GNA14: variants seen among roughly 807,000 people sequenced by gnomAD.
The protein encoded by GNA14 is guanine nucleotide-binding protein subunit alpha-14.
A neutral mutation model predicts 42.0 loss-of-function variants in GNA14; 50 were observed. The ratio of observed to expected loss-of-function variants is 1.19; its 90% CI spans 0.95 to 1.51. The LOEUF is 1.51. GNA14 is among the 40% of genes most tolerant of loss of function. The probability of loss-of-function intolerance (pLI) is 0.00; values close to 1 mark genes in which losing one functional copy is unlikely to be tolerated. For synonymous variants in GNA14, 173 were observed against 163.1 expected, an observed-to-expected ratio of 1.06 and a Z score of -0.46; for missense variants, 473 against 446.2, an observed-to-expected ratio of 1.06 and a Z score of -0.54.
chr9:77,560,972 T>C (rs75629366), intron 1 of GNA14, among the ~76,000 whole-genome samples: 2,397 of 152,326 alleles, frequency 0.016, 65 homozygotes, highest in African/African-American at 0.054. Context: ...TCTAGCTAAA[T>C]GGAAATGTAG....
At chr9:77,507,862 G>A (rs1371460840) in intron 2 of GNA14, among the ~76,000 whole-genome samples, 1 of 151,972 alleles carries the variant, frequency 6.6e-6, no homozygotes, top group Non-Finnish European at 1.5e-5. Context: ...ACTCATCACT[G>A]CGCCCACCAC....
At chr9:77,429,281 CAG>C (rs1348060184) in intron 4 of GNA14, among the ~76,000 whole-genome samples, 4 of 152,198 alleles carry the variant, frequency 2.6e-5, no homozygotes. Flanking sequence ...AGAGGTGACT[CAG>C]GGAGCCTGCC....
At chr9:77,481,193 T>C (rs935621311) in intron 2 of GNA14, among the ~76,000 whole-genome samples, 5 of 152,158 alleles carry the variant, frequency 3.3e-5, no homozygotes, top group African/African-American at 9.7e-5. Flanking sequence ...TTTAGTGCTA[T>C]AAATTTCCCT....
intron 2 of GNA14, among the ~76,000 whole-genome samples, chr9:77,445,232 C>T (rs958170131): frequency 3.9e-5 from 6 of 152,120 alleles, no homozygotes; most frequent in African/African-American, 1.2e-4. Context: ...GAGAAAGGGA[C>T]CAGACCAGCC....
chr9:77,479,850 TTGTC>T (rs1178705611), intron 2 of GNA14, among the ~76,000 whole-genome samples: 3 of 151,940 alleles, frequency 2.0e-5, no homozygotes, highest in Non-Finnish European at 4.4e-5. Context: ...GGCTCTCTGT[TTGTC>T]TGTTATTGGT....
chr9:77,491,716 GC>G (rs1176764795), intron 2 of GNA14, among the ~76,000 whole-genome samples: 1 of 152,154 alleles, frequency 6.6e-6, no homozygotes, highest in Non-Finnish European at 1.5e-5. Context: ...AATACTGGTA[GC>G]GTACTTCAAC....
intron 3 of GNA14, among the ~76,000 whole-genome samples, chr9:77,433,423 G>A (rs1194802395): frequency 2.0e-5 from 3 of 151,798 alleles, no homozygotes; most frequent in Non-Finnish European, 4.4e-5. Flanking sequence ...GTCTCACTCT[G>A]TCACTCAGGC....
chr9:77,482,284 G>T (rs1327680928), intron 2 of GNA14, among the ~76,000 whole-genome samples: 4 of 152,076 alleles, frequency 2.6e-5, no homozygotes, highest in Non-Finnish European at 5.9e-5. Flanking sequence ...GTCTGTAAAG[G>T]ATTTTATTTC....
intron 1 of GNA14, among the ~76,000 whole-genome samples, chr9:77,610,319 A>G (rs546587159): frequency 2.6e-5 from 4 of 152,312 alleles, no homozygotes; most frequent in Non-Finnish European, 5.9e-5. Flanking sequence ...GTGCTTGCAC[A>G]TTAACAAATA....
At chr9:77,463,860 TG>T (rs1241364270) in intron 2 of GNA14, among the ~76,000 whole-genome samples, 61 of 152,336 alleles carry the variant, frequency 4.0e-4, no homozygotes, top group African/African-American at 1.5e-3. Context: ...TCTGGCTTTA[TG>T]TGGGTAAAAG....
At position 77,599,539 on chromosome 9, in the gene GNA14, T is replaced by C. The variant is rs576057925; in HGVS notation, c.124+48131A>G. ...CCCACAAAGGGAGTATGAAAGCTCA[T>C]TGTGACTTTGTCAGTAAACAATTTG... is the stretch of plus-strand genomic sequence containing the variant. On this transcript the variant is annotated intron_variant, in intron 1 of 6. Coordinates refer to ENST00000341700, the MANE Select transcript of GNA14 (RefSeq NM_004297.4). 6.6e-5 allele frequency among the ~76,000 whole-genome samples: 10 copies of C among 152,340 alleles called. No individual in the cohort carries two copies. The East Asian group carries it at 1.5e-3, about 23-fold the overall frequency.
At position 77,437,058 on chromosome 9, in the gene GNA14, T is replaced by G. The variant is rs1030593800; in HGVS notation, c.310-2536A>C. Among the ~76,000 whole-genome samples the G allele has an allele frequency of 2.0e-5, 3 of 152,102 alleles. 1 individual carries two copies. The highest frequency in any genetic ancestry group is 2.0e-4 in the Admixed American group (3 of 15,288). Reference sequence around the variant, plus strand: ...CCTGGTGGCCCTCAGCATCCTTGCTTCTTGTGGGCATGCCTCTTTTGCTGC... The same window carrying G: ...CCTGGTGGCCCTCAGCATCCTTGCTGCTTGTGGGCATGCCTCTTTTGCTGC... On this transcript the variant is annotated intron_variant, in intron 2 of 6. Transcript: ENST00000341700.
intron 1 of GNA14, among the ~76,000 whole-genome samples, chr9:77,616,057 G>C (rs1279294641): frequency 6.6e-6 from 1 of 152,166 alleles, no homozygotes; most frequent in Non-Finnish European, 1.5e-5. Context: ...GATAGGATGA[G>C]GAATGCCCAA....
At chr9:77,638,992 C>T (rs1215692050) in intron 1 of GNA14, among the ~76,000 whole-genome samples, 1 of 152,106 alleles carries the variant, frequency 6.6e-6, no homozygotes, top group African/African-American at 2.4e-5. Flanking sequence ...ATTAAATACA[C>T]CTTAATATTT....
intron 2 of GNA14, among the ~76,000 whole-genome samples, chr9:77,466,176 T>A (rs995434071): frequency 1.3e-5 from 2 of 152,218 alleles, no homozygotes; most frequent in African/African-American, 4.8e-5. Context: ...TCTGGCAGGT[T>A]TTCAGCCATT....
intron 1 of GNA14, among the ~76,000 whole-genome samples, chr9:77,556,335 A>G (rs1446979363): frequency 1.3e-5 from 2 of 152,176 alleles, no homozygotes; most frequent in African/African-American, 2.4e-5. Flanking sequence ...CATGGCAGAT[A>G]TATGGAGGTA....
intron 1 of GNA14, among the ~76,000 whole-genome samples, chr9:77,640,273 C>T (rs1023405526): frequency 8.5e-5 from 13 of 152,292 alleles, no homozygotes; most frequent in African/African-American, 1.4e-4. Flanking sequence ...ACAGTCCTTC[C>T]GATAAATGAT....
At chr9:77,562,722 T>G (rs1395063515) in intron 1 of GNA14, among the ~76,000 whole-genome samples, 1 of 152,228 alleles carries the variant, frequency 6.6e-6, no homozygotes, top group Non-Finnish European at 1.5e-5. Context: ...CTTCTTGATA[T>G]GATAACCTAA....
At chr9:77,563,416 G>C (rs979854302) in intron 1 of GNA14, among the ~76,000 whole-genome samples, 2 of 152,144 alleles carry the variant, frequency 1.3e-5, no homozygotes, top group Non-Finnish European at 2.9e-5. Context: ...GGAAAACACA[G>C]ATAATGGCTG....
Sources: gnomAD v4.1 joint callset for allele counts (sites outside exome capture counted in the v4.1 genomes callset) on GRCh38, gnomAD v4.1.1 for gene constraint, MANE v1.5 for transcripts, NCBI Gene and HGNC (gene_info 2026-07-23, HGNC 2026-07-21) for gene names.